HS2ST1: variants seen among roughly 807,000 people sequenced by gnomAD.
The protein encoded by HS2ST1 is 2-O-sulfotransferase.
Under a neutral mutation model 42.9 loss-of-function variants are expected in HS2ST1, and 18 were observed. That is an observed-to-expected ratio of 0.42 (90% CI 0.29 to 0.62). The LOEUF is 0.62. Among genes scored for constraint, HS2ST1 ranks in the 20% least tolerant of loss-of-function variants. The pLI is 0.21. For missense variants in HS2ST1, 334 were observed against 433.8 expected, an observed-to-expected ratio of 0.77 and a Z score of 2.04; for synonymous variants, 146 against 152.9, an observed-to-expected ratio of 0.95 and a Z score of 0.33.
chr1:87,092,576 T>C lies in HS2ST1; in HGVS notation c.495T>C (p.Asp165=). 1 of 1,586,774 alleles carries C rather than the reference T, an allele frequency of 6.3e-7. No individual in the cohort carries two copies. The highest frequency in any genetic ancestry group is 1.8e-5 in the Admixed American group (1 of 55,944). Residue 165 remains aspartate, a synonymous_variant, in exon 4 of 7, where the codon GAT becomes GAC. Coordinates refer to ENST00000370550, the MANE Select transcript of HS2ST1 (RefSeq NM_012262.4). ...KKPIYINVIR[D]PIERLVSYYY... ...CAATTTACATTAATGTCATAAGGGA[T>C]CCTATTGAGAGGCTAGTTTCTTATT...
chr1:87,025,810 A>G (rs1024628870), intron 1 of HS2ST1, among the ~76,000 whole-genome samples: 8 of 152,122 alleles, frequency 5.3e-5, no homozygotes, highest in Non-Finnish European at 1.2e-4. Flanking sequence ...TCTTTATTGC[A>G]TGTGATTCTT....
rs148399548 is a variant in HS2ST1, at chr1:87,006,233, G to A, written c.125-66701G>A. On this transcript the variant is annotated intron_variant, in intron 1 of 6. Coordinates refer to ENST00000370550, the MANE Select transcript of HS2ST1 (RefSeq NM_012262.4). ...AGTAGTATTGCCCAAGGATAGTAGT[G>A]AATTAATGAAACAATTTAGCATTGA... is the stretch of plus-strand genomic sequence containing the variant. Among the ~76,000 whole-genome samples, 581 of 152,174 alleles carry A rather than the reference G, an allele frequency of 3.8e-3. 4 individuals carry two copies. The highest frequency in any genetic ancestry group is 0.021 in the Middle Eastern group (6 of 292).
intron 1 of HS2ST1, among the ~76,000 whole-genome samples, chr1:87,003,519 T>G (rs1377122641): frequency 3.3e-5 from 5 of 152,184 alleles, no homozygotes; most frequent in African/African-American, 1.2e-4. Flanking sequence ...TGGGTTTGTG[T>G]TAGAACAAAA....
At chr1:86,981,969 G>C (rs1648607855) in intron 1 of HS2ST1, among the ~76,000 whole-genome samples, 1 of 152,222 alleles carries the variant, frequency 6.6e-6, no homozygotes. Flanking sequence ...CTTCTGCCTG[G>C]CCATCCAAGT....
chr1:87,043,473 T>C (rs1198297927), intron 1 of HS2ST1, among the ~76,000 whole-genome samples: 1 of 152,098 alleles, frequency 6.6e-6, no homozygotes, highest in East Asian at 1.9e-4. Flanking sequence ...AACATTTTAT[T>C]CTAAATTTAT....
At chr1:86,993,234 C>A in intron 1 of HS2ST1, 1 of 1,334,886 alleles carries the variant, frequency 7.5e-7, no homozygotes, top group South Asian at 1.5e-5. Flanking sequence ...TGTATGCAAC[C>A]ATACTTAGAA....
At chr1:87,051,032 G>T (rs1296321212) in intron 1 of HS2ST1, among the ~76,000 whole-genome samples, 1 of 152,090 alleles carries the variant, frequency 6.6e-6, no homozygotes, top group Non-Finnish European at 1.5e-5. Flanking sequence ...ATATTTCTTA[G>T]ATTGTGGAGT....
At chr1:86,927,919 A>C (rs1010646355) in intron 1 of HS2ST1, among the ~76,000 whole-genome samples, 2 of 152,088 alleles carry the variant, frequency 1.3e-5, no homozygotes, top group African/African-American at 4.8e-5. Flanking sequence ...CTGCTGCTTA[A>C]GTTGGTAGTC....
At chr1:87,089,505 G>C (rs969163933) in intron 3 of HS2ST1, among the ~76,000 whole-genome samples, 4 of 152,022 alleles carry the variant, frequency 2.6e-5, no homozygotes, top group African/African-American at 9.7e-5. Context: ...GGTGAGGTCT[G>C]ACCACAGACT....
chr1:86,925,219 G>C (rs189580920), intron 1 of HS2ST1, among the ~76,000 whole-genome samples: 18 of 152,230 alleles, frequency 1.2e-4, no homozygotes, highest in African/African-American at 1.7e-4. Flanking sequence ...GACCACCTTA[G>C]ACTGGACCTT....
Position 86,919,362 on chromosome 1 carries a change from A to G in HS2ST1, c.124+4202A>G, listed in dbSNP as rs1005964745. Among the ~76,000 whole-genome samples the G allele has an allele frequency of 3.9e-5, 6 of 152,314 alleles. No homozygotes were observed. The East Asian group carries it at 1.2e-3, about 29-fold the overall frequency. ...CTATCAATTTAGGGAAGTCGTTTTC[A>G]TATTTTGCTTAGGAAGACTTACCCA... On this transcript the variant is annotated intron_variant, in intron 1 of 6. Transcript: ENST00000370550.
chr1:86,990,812 T>TTATATATATATATATATATATATATA (rs57401994), intron 1 of HS2ST1, among the ~76,000 whole-genome samples: 2 of 10,254 alleles, frequency 2.0e-4, no homozygotes, highest in Non-Finnish European at 4.4e-4. Flanking sequence ...CTGGCTAATT[T>TTATATATATATATATATATATATATA]TATATATATA....
chr1:86,984,515 A>G (rs993637350), intron 1 of HS2ST1, among the ~76,000 whole-genome samples: 1 of 152,206 alleles, frequency 6.6e-6, no homozygotes, highest in Non-Finnish European at 1.5e-5. Flanking sequence ...GGAAAAGTAG[A>G]TATTATTTAA....
intron 1 of HS2ST1, among the ~76,000 whole-genome samples, chr1:87,032,015 A>G (rs898048251): frequency 6.6e-6 from 1 of 152,206 alleles, no homozygotes; most frequent in African/African-American, 2.4e-5. Flanking sequence ...TGAATTACAC[A>G]TGGCTAATTA....
At chr1:86,946,596 C>A (rs1276847666) in intron 1 of HS2ST1, among the ~76,000 whole-genome samples, 1 of 152,140 alleles carries the variant, frequency 6.6e-6, no homozygotes, top group African/African-American at 2.4e-5. Flanking sequence ...AATACATATA[C>A]CAACCCCTCT....
chr1:86,975,543 C>G (rs79817436), intron 1 of HS2ST1, among the ~76,000 whole-genome samples: 3,650 of 152,100 alleles, frequency 0.024, 47 homozygotes, highest in South Asian at 0.054. Flanking sequence ...AATGAGACTG[C>G]TTAAAGGGAA....
At chr1:86,987,504 C>A (rs1648822978) in intron 1 of HS2ST1, among the ~76,000 whole-genome samples, 1 of 152,204 alleles carries the variant, frequency 6.6e-6, no homozygotes, top group Admixed American at 6.5e-5. Context: ...CAAAACCATA[C>A]TGCAGAATCA....
chr1:87,008,338 C>G (rs531076165), intron 1 of HS2ST1, among the ~76,000 whole-genome samples: 15 of 152,098 alleles, frequency 9.9e-5, no homozygotes, highest in Non-Finnish European at 1.2e-4. Context: ...ATAACATATA[C>G]CATCAGTTAA....
chr1:87,045,162 T>C, intron 1 of HS2ST1: 1 of 869,742 alleles, frequency 1.1e-6, no homozygotes. Flanking sequence ...GGTTATGCTT[T>C]TGGCAGCATC....
Sources: allele counts gnomAD v4.1 joint callset (sites outside exome capture counted in the v4.1 genomes callset), GRCh38; gene constraint gnomAD v4.1.1; transcripts MANE v1.5; gene names NCBI Gene and HGNC (gene_info 2026-07-23, HGNC 2026-07-21).